SYNJ2: variants seen among roughly 807,000 people sequenced by gnomAD.
The protein encoded by SYNJ2 is polyphosphatidylinositol phosphatase SYNJ2.
Under a neutral mutation model 141.3 loss-of-function variants are expected in SYNJ2, and 116 were observed. The ratio of observed to expected loss-of-function variants is 0.82; its 90% confidence interval spans 0.71 to 0.96. The LOEUF (loss-of-function observed/expected upper bound fraction) is 0.96. Ranked by LOEUF, SYNJ2 falls within the 40% of genes least tolerant of loss-of-function variation. SYNJ2 has a pLI of 0.00. For synonymous variants in SYNJ2, 745 were observed against 777.7 expected (o/e 0.96, Z 0.70); for missense variants, 1,873 against 1,934.8 (o/e 0.97, Z 0.60).
chr6:158,008,279 G>C (rs564864022), intron 1 of SYNJ2, among the ~76,000 whole-genome samples: 1 of 152,356 alleles, frequency 6.6e-6, no homozygotes, highest in Admixed American at 6.5e-5. Flanking sequence ...GGCCATGGTT[G>C]TGTTTTTTAA....
At chr6:157,993,811 T>G (rs1328769573) in intron 1 of SYNJ2, among the ~76,000 whole-genome samples, 2 of 109,242 alleles carry the variant, frequency 1.8e-5, no homozygotes, top group African/African-American at 3.3e-5. Context: ...TTTTTTTTTT[T>G]TTTTTTTTTT....
intron 3 of SYNJ2, chr6:158,029,235 T>A: frequency 1.7e-6 from 1 of 598,528 alleles, no homozygotes. Flanking sequence ...GCCCCTGGAA[T>A]GTGTTCAGTG....
At chr6:158,032,544 C>T (rs917371011) in intron 3 of SYNJ2, among the ~76,000 whole-genome samples, 2 of 152,140 alleles carry the variant, frequency 1.3e-5, no homozygotes, top group East Asian at 1.9e-4. Context: ...CGTGGTCGTT[C>T]GCAGGTGCAC....
At chr6:158,093,854 G>C in intron 26 of SYNJ2, 1 of 763,246 alleles carries the variant, frequency 1.3e-6, no homozygotes, top group Non-Finnish European at 2.4e-6. Flanking sequence ...GCCTACGAGA[G>C]GTTCCACAGC....
chr6:158,009,324 C>T (rs1334442030), intron 1 of SYNJ2, among the ~76,000 whole-genome samples: 1 of 152,180 alleles, frequency 6.6e-6, no homozygotes, highest in Middle Eastern at 3.2e-3. Flanking sequence ...CCCCAGCCTC[C>T]CACCCCATCT....
chr6:158,023,353 G>C (rs1380285137), intron 2 of SYNJ2, among the ~76,000 whole-genome samples: 1 of 152,066 alleles, frequency 6.6e-6, no homozygotes. Flanking sequence ...GATTAGGCAG[G>C]ACACAGTGAG....
intron 1 of SYNJ2, among the ~76,000 whole-genome samples, chr6:158,016,836 G>A (rs1194087251): frequency 6.6e-6 from 1 of 152,132 alleles, no homozygotes; most frequent in Non-Finnish European, 1.5e-5. Context: ...GAGTGAGTGG[G>A]CATCTCCAGG....
intron 26 of SYNJ2, 70 bp downstream of exon 26, chr6:158,093,174 G>C: frequency 6.6e-7 from 1 of 1,504,364 alleles, no homozygotes; most frequent in Non-Finnish European, 9.0e-7. Context: ...AAGAATTGTG[G>C]CCTGTAATCC....
chr6:157,997,127 C>G (rs1465025044), intron 1 of SYNJ2, among the ~76,000 whole-genome samples: 3 of 151,728 alleles, frequency 2.0e-5, no homozygotes, highest in Non-Finnish European at 1.5e-5. Flanking sequence ...TGCCCCATGC[C>G]TGGTTTCCTT....
intron 5 of SYNJ2, among the ~76,000 whole-genome samples, chr6:158,052,546 G>A (rs1780630195): frequency 6.6e-6 from 1 of 152,152 alleles, no homozygotes; most frequent in Non-Finnish European, 1.5e-5. Context: ...GAAGAGGAAG[G>A]GGAGCCAGTG....
intron 8 of SYNJ2, among the ~76,000 whole-genome samples, chr6:158,063,068 G>A (rs1043648808): frequency 2.6e-5 from 4 of 152,124 alleles, no homozygotes; most frequent in African/African-American, 9.7e-5. Flanking sequence ...TCTTTATATG[G>A]AAACATACAT....
Position 158,076,559 on chromosome 6 carries a change from C to T in SYNJ2, c.2293-67C>T, listed in dbSNP as rs572482414. On this transcript the variant is annotated intron_variant, in intron 16 of 26. Coordinates refer to ENST00000355585, the MANE Select transcript of SYNJ2 (RefSeq NM_003898.4). ...AATAGGGACTTGCCTTTTCAGTTTTCGTTTTTGTATATAACATTCAGGATC... is the reference window on the plus strand; with the variant it reads ...AATAGGGACTTGCCTTTTCAGTTTTTGTTTTTGTATATAACATTCAGGATC... The T allele has an allele frequency of 1.3e-5, 20 of 1,522,708 alleles. No homozygotes were observed. In the Admixed American group the frequency reaches 2.5e-4, roughly 19 times the overall value. 94.3% of individuals were successfully genotyped at this position (1,522,708 alleles called of 1,614,324 possible).
intron 25 of SYNJ2, among the ~76,000 whole-genome samples, chr6:158,090,542 G>GTTTTTTTTTTTTTTTT (rs58356198): frequency 4.4e-5 from 5 of 113,918 alleles, no homozygotes; most frequent in Non-Finnish European, 7.1e-5. Flanking sequence ...TTTTTTTTTT[G>GTTTTTTTTTTTTTTTT]TTTTTTTTTT....
intron 16 of SYNJ2, among the ~76,000 whole-genome samples, chr6:158,075,383 G>A (rs951305459): frequency 1.3e-5 from 2 of 150,912 alleles, no homozygotes; most frequent in African/African-American, 2.4e-5. Flanking sequence ...GCTCTTGCCT[G>A]TAATCCCAAC....
chr6:158,081,378 C>T (rs777752067), intron 19 of SYNJ2, 51 bp downstream of exon 19: 12 of 1,612,888 alleles, frequency 7.4e-6, no homozygotes, highest in Middle Eastern at 1.6e-4. Flanking sequence ...GATGAGGATC[C>T]GTGAGAGCTG....
In SYNJ2 at chr6:158,083,510, G is replaced by T. The variant is rs756860929; in HGVS notation, c.2947G>T (p.Asp983Tyr). The T allele has an allele frequency of 5.6e-6, 9 of 1,614,082 alleles. No individual in the cohort carries two copies. In the African/African-American group the frequency reaches 6.7e-5, roughly 12 times the overall value. ...GLREEIIRKRDSMAPVSPTAN... is the reference protein window; with the variant it reads ...GLREEIIRKRYSMAPVSPTAN... Reference sequence around the variant, plus strand: ...GCGAGAGGAGATCATTCGGAAACGAGACAGCATGGCCCCCGTGTCTCCCAC... The same window carrying T: ...GCGAGAGGAGATCATTCGGAAACGATACAGCATGGCCCCCGTGTCTCCCAC... The change falls in exon 21 of 27, where the codon GAC becomes TAC. Residue 983 changes from aspartate to tyrosine, a missense_variant. Asp to Tyr is a radical substitution (Grantham distance 160, BLOSUM62 -3). Coordinates refer to ENST00000355585, the MANE Select transcript of SYNJ2 (RefSeq NM_003898.4).
chr6:158,004,381 A>G (rs938059081), intron 1 of SYNJ2, among the ~76,000 whole-genome samples: 3 of 152,202 alleles, frequency 2.0e-5, no homozygotes, highest in Admixed American at 6.5e-5. Context: ...ACGTCTGGCC[A>G]TACTCACTGC....
rs368332107 is a variant in SYNJ2 at position 158,066,484 on chromosome 6, C to G, written c.1566C>G (p.Ser522=). Residue 522 remains serine (S), a synonymous_variant, in exon 12 of 27, where the codon TCC becomes TCG. Coordinates refer to ENST00000355585, the MANE Select transcript of SYNJ2 (RefSeq NM_003898.4). ...TGAAAGCTATGACTGAGCGTCAGTC[C>G]GAATTCACAAATTTCAAGCGGATCC... The part of the protein sequence containing the change: ...RILKAMTERQ[S]EFTNFKRIRI... The G allele has an allele frequency of 3.0e-5, 49 of 1,614,136 alleles. No homozygotes were observed. Among genetic ancestry groups the G allele is most frequent in the Non-Finnish European group, 4.0e-5 (47 of 1,180,034 alleles).
chr6:158,048,650 G>T (rs1780385798), intron 5 of SYNJ2, among the ~76,000 whole-genome samples: 1 of 152,234 alleles, frequency 6.6e-6, no homozygotes, highest in Admixed American at 6.5e-5. Flanking sequence ...AGACCCATGG[G>T]TGACTCCAGC....
Sources: gnomAD v4.1 joint callset for allele counts (sites outside exome capture counted in the v4.1 genomes callset) on GRCh38, gnomAD v4.1.1 for gene constraint, MANE v1.5 for transcripts, NCBI Gene and HGNC (gene_info 2026-07-23, HGNC 2026-07-21) for gene names.